The following CLEC4A variants were observed in gnomAD, a reference collection of about 807,000 sequenced individuals.
CLEC4A encodes C-type lectin domain family 4 member A.
In CLEC4A, 27 loss-of-function variants were observed where a neutral mutation model predicts 32.7. The ratio of observed to expected loss-of-function variants is 0.83; its 90% CI spans 0.61 to 1.14. The LOEUF (loss-of-function observed/expected upper bound fraction) is 1.14. Ranked by LOEUF, CLEC4A falls within the 50% of genes most tolerant of loss-of-function variation. The pLI is 0.00. For synonymous variants in CLEC4A, 89 were observed against 93.7 expected (o/e 0.95, Z 0.29); for missense variants, 253 against 274.6 (o/e 0.92, Z 0.55).
intron 3 of CLEC4A, among the ~76,000 whole-genome samples, chr12:8,132,949 C>G (rs1948026096): frequency 1.3e-5 from 2 of 151,858 alleles, no homozygotes; most frequent in African/African-American, 4.8e-5. Context: ...AAGTCTCGCT[C>G]TGTTGCCCAG....
intron 1 of CLEC4A, among the ~76,000 whole-genome samples, chr12:8,125,246 G>A (rs1417594090): frequency 1.3e-5 from 2 of 152,038 alleles, no homozygotes; most frequent in African/African-American, 4.8e-5. Context: ...TGTCAATCGT[G>A]GGAAAATTTG....
the CLEC4A span, among the ~76,000 whole-genome samples, chr12:8,109,337 C>A: frequency 6.6e-6 from 1 of 152,176 alleles, no homozygotes. Context: ...CCCCCTCCTC[C>A]TAGCTCCACC....
intron 3 of CLEC4A, chr12:8,134,156 T>A: frequency 6.2e-7 from 1 of 1,608,246 alleles, no homozygotes; most frequent in Non-Finnish European, 8.5e-7. Context: ...ACTGGTTCGC[T>A]TTCTCTTTCG....
At chr12:8,116,676 G>T in the CLEC4A span, among the ~76,000 whole-genome samples, 2 of 152,094 alleles carry the variant, frequency 1.3e-5, no homozygotes, top group African/African-American at 4.8e-5. Context: ...TGCTAGGAAG[G>T]GGAAGTTCAG....
intron 5 of CLEC4A, 113 bp from the exon 6 acceptor site, chr12:8,138,027 G>A (rs112036032): frequency 8.8e-7 from 1 of 1,141,582 alleles, no homozygotes; most frequent in African/African-American, 1.6e-5. Flanking sequence ...GGTGGATTTG[G>A]GCATATCTGA....
upstream of CLEC4A, among the ~76,000 whole-genome samples, chr12:8,122,336 G>C (rs908059498): frequency 6.6e-6 from 1 of 151,902 alleles, no homozygotes; most frequent in African/African-American, 2.4e-5. Flanking sequence ...GGGGGTCTAA[G>C]TGGTGACTAG....
chr12:8,105,419 G>A, the CLEC4A span, among the ~76,000 whole-genome samples: 124 of 151,092 alleles, frequency 8.2e-4, no homozygotes, highest in African/African-American at 2.7e-3. Flanking sequence ...GCACGATCTC[G>A]GCTCACTGCA....
the CLEC4A span, among the ~76,000 whole-genome samples, chr12:8,115,250 A>C: frequency 6.6e-6 from 1 of 152,368 alleles, no homozygotes; most frequent in East Asian, 1.9e-4. Context: ...CCTGCCTTTC[A>C]AAATGGCACA....
chr12:8,130,492 C>T (rs1947979457), intron 3 of CLEC4A, among the ~76,000 whole-genome samples: 1 of 152,130 alleles, frequency 6.6e-6, no homozygotes, highest in South Asian at 2.1e-4. Flanking sequence ...TCCACCTCAG[C>T]CTCCCAGTAG....
the CLEC4A span, among the ~76,000 whole-genome samples, chr12:8,104,256 A>C: frequency 6.6e-6 from 1 of 152,082 alleles, no homozygotes; most frequent in African/African-American, 2.4e-5. Context: ...GTTGTGACAA[A>C]TACTTGGTCT....
chr12:8,118,143 A>G, the CLEC4A span, among the ~76,000 whole-genome samples: 3 of 152,214 alleles, frequency 2.0e-5, no homozygotes, highest in Non-Finnish European at 2.9e-5. Context: ...TTAGCACTCA[A>G]TGAATCTACA....
chr12:8,118,223 G>A, the CLEC4A span, among the ~76,000 whole-genome samples: 1 of 152,174 alleles, frequency 6.6e-6, no homozygotes, highest in Non-Finnish European at 1.5e-5. Context: ...ACAGAGGGAT[G>A]ATTTCTGGTC....
Position 8,138,169 on chromosome 12 carries a change from C to T in CLEC4A, c.596C>T (p.Pro199Leu). Residue 199 changes from proline (P) to leucine (L), a missense_variant, in exon 6 of 6, where the codon CCC becomes CTC. Transcript: ENST00000229332. ...TGGCATCCACGTGAGCCCAGTGATC[C>T]CAATGAGCGCTGCGTTGTGCTAAAT... ...TFWHPREPSDPNERCVVLNFR... is the reference protein window; with the variant it reads ...TFWHPREPSDLNERCVVLNFR... The T allele has an allele frequency of 1.9e-6, 3 of 1,613,962 alleles. No homozygotes were observed. Among genetic ancestry groups the T allele is most frequent in the Non-Finnish European group, 2.5e-6 (3 of 1,179,966 alleles).
the CLEC4A span, among the ~76,000 whole-genome samples, chr12:8,105,586 A>C: frequency 1.8e-4 from 28 of 151,990 alleles, no homozygotes; most frequent in Admixed American, 3.3e-4. Context: ...TCCCGACCTC[A>C]TGATCCACCC....
At chr12:8,129,503 C>T in intron 3 of CLEC4A, 141 bp downstream of exon 3, 1 of 666,942 alleles carries the variant, frequency 1.5e-6, no homozygotes, top group Non-Finnish European at 2.6e-6. Flanking sequence ...GTACAAATAT[C>T]TAGGACATGC....
At chr12:8,124,833 C>G (rs1947874776) in intron 1 of CLEC4A, among the ~76,000 whole-genome samples, 1 of 152,158 alleles carries the variant, frequency 6.6e-6, no homozygotes, top group Non-Finnish European at 1.5e-5. Flanking sequence ...TATAATTACT[C>G]TTATCATCTA....
At chr12:8,110,884 T>C in the CLEC4A span, among the ~76,000 whole-genome samples, 1 of 152,238 alleles carries the variant, frequency 6.6e-6, no homozygotes, top group Non-Finnish European at 1.5e-5. Context: ...ACACTTTTTT[T>C]TTTTTTTGAG....
the CLEC4A span, among the ~76,000 whole-genome samples, chr12:8,105,773 G>A: frequency 6.6e-6 from 1 of 152,124 alleles, no homozygotes; most frequent in Non-Finnish European, 1.5e-5. Context: ...GCTGTTTATA[G>A]ATTCTGGATA....
At chr12:8,137,548 A>C (rs1204219026) in intron 5 of CLEC4A, among the ~76,000 whole-genome samples, 1 of 152,218 alleles carries the variant, frequency 6.6e-6, no homozygotes, top group African/African-American at 2.4e-5. Flanking sequence ...CATACTTTAC[A>C]TATATTACAT....
Sources: allele counts gnomAD v4.1 joint callset (sites outside exome capture counted in the v4.1 genomes callset), GRCh38; gene constraint gnomAD v4.1.1; transcripts MANE v1.5; gene names NCBI Gene and HGNC (gene_info 2026-07-23, HGNC 2026-07-21).